Variants in LMBR1 observed in about 807,000 individuals in gnomAD.
LMBR1 encodes the protein limb development membrane protein 1.
In LMBR1, 52 loss-of-function variants were observed where a neutral mutation model predicts 73.9. That is an observed-to-expected ratio of 0.70 (90% CI 0.56 to 0.89). The LOEUF is 0.89. Among genes scored for constraint, LMBR1 ranks in the 40% least tolerant of loss-of-function variants. The pLI, the probability that LMBR1 is intolerant of heterozygous loss-of-function variation, is 0.00. For missense variants in LMBR1, 539 were observed against 579.8 expected, an observed-to-expected ratio of 0.93 and a Z score of 0.72; for synonymous variants, 215 against 209.4, an observed-to-expected ratio of 1.03 and a Z score of -0.23.
In LMBR1 at chr7:156,744,355, T is replaced by C. The variant is rs78419369; in HGVS notation, c.758-10098A>G. Among the ~76,000 whole-genome samples, 350 of 152,140 alleles carry C rather than the reference T, an allele frequency of 2.3e-3. 4 individuals carry two copies. The highest frequency in any genetic ancestry group is 8.0e-3 in the African/African-American group (333 of 41,524). On this transcript the variant is annotated intron_variant, in intron 9 of 16. Transcript: ENST00000353442. ...AAGTTTGTAAGGGCTTTTTTTTTTT[T>C]CCATTGTTCTTGGAATTCAGGAATC...
At chr7:156,880,310 G>A (rs1800887501) in intron 1 of LMBR1, among the ~76,000 whole-genome samples, 1 of 152,118 alleles carries the variant, frequency 6.6e-6, no homozygotes, top group African/African-American at 2.4e-5. Context: ...TGATGCAAAG[G>A]CATAAGAATG....
At chr7:156,711,580 T>C (rs914369197) in intron 15 of LMBR1, among the ~76,000 whole-genome samples, 3 of 152,096 alleles carry the variant, frequency 2.0e-5, no homozygotes, top group Non-Finnish European at 2.9e-5. Context: ...ACTGGAGGCA[T>C]CAACTTACCT....
chr7:156,840,338 A>G (rs1838436171), intron 1 of LMBR1, among the ~76,000 whole-genome samples: 1 of 151,776 alleles, frequency 6.6e-6, no homozygotes, highest in Admixed American at 6.6e-5. Context: ...ATGTCTCACT[A>G]ATAAGGTGAC....
In LMBR1 at chr7:156,833,646, G is replaced by C. The variant is rs1048038556; in HGVS notation, c.179+107C>G. The C allele has an allele frequency of 3.9e-6, 3 of 777,588 alleles. No individual in the cohort carries two copies. The African/African-American group carries it at 5.3e-5, about 14-fold the overall frequency. 48.2% of individuals were successfully genotyped at this position (777,588 alleles called of 1,614,324 possible). A position where few individuals can be genotyped will look rare whatever the true frequency, so the allele number is the denominator to read the frequency against. ...ATTAATATGATAAAGCTATTGTAAT[G>C]TGCTGGGTGAATATTTTCCATACTT... On this transcript the variant is annotated intron_variant, in intron 3 of 16. Transcript: ENST00000353442.
chr7:156,823,384 T>G (rs1835112395), intron 4 of LMBR1: 2 of 152,140 alleles, frequency 1.3e-5, no homozygotes, highest in Admixed American at 1.3e-4. Context: ...AGAAAACAGT[T>G]TAGCAATTAA....
At chr7:156,884,974 C>T (rs1801647911) in intron 1 of LMBR1, among the ~76,000 whole-genome samples, 1 of 152,214 alleles carries the variant, frequency 6.6e-6, no homozygotes, top group Non-Finnish European at 1.5e-5. Context: ...ATGAAGGATA[C>T]TTCTATCCCC....
At chr7:156,818,538 C>T (rs116652697) in intron 4 of LMBR1, among the ~76,000 whole-genome samples, 2,399 of 152,222 alleles carry the variant, frequency 0.016, 61 homozygotes, top group African/African-American at 0.054. Context: ...TCCTATCTTC[C>T]AAATTTTTAT....
intron 1 of LMBR1, among the ~76,000 whole-genome samples, chr7:156,870,475 A>G (rs1799105379): frequency 6.6e-6 from 1 of 152,212 alleles, no homozygotes; most frequent in Non-Finnish European, 1.5e-5. Context: ...ATTAGAAAAT[A>G]TCTCAAGATG....
intron 15 of LMBR1, among the ~76,000 whole-genome samples, chr7:156,696,873 T>A (rs922747744): frequency 8.5e-5 from 13 of 152,156 alleles, no homozygotes; most frequent in African/African-American, 3.1e-4. Context: ...ATTTCAGCAT[T>A]AACTCAAAAG....
intron 15 of LMBR1, among the ~76,000 whole-genome samples, chr7:156,694,674 T>G (rs1025356757): frequency 6.6e-6 from 1 of 152,172 alleles, no homozygotes; most frequent in African/African-American, 2.4e-5. Context: ...GCAGAAAATC[T>G]TAAGGACTCC....
intron 15 of LMBR1, among the ~76,000 whole-genome samples, chr7:156,708,620 T>TTGAC (rs113762252): frequency 0.17 from 26,152 of 151,952 alleles, 2,771 homozygotes; most frequent in African/African-American, 0.31. Context: ...TGTAATAACT[T>TTGAC]TGGGCACAAA....
In LMBR1 at chr7:156,739,218, G is replaced by A. The variant is rs988187737; in HGVS notation, c.758-4961C>T. On this transcript the variant is annotated intron_variant, in intron 9 of 16. Transcript: ENST00000353442. Reference sequence around the variant, plus strand: ...ACTCCCCATGGGCTGGCAGTGGCAGGAGCAGGGAAGAATAGGAAGGTCTTT... The same window carrying A: ...ACTCCCCATGGGCTGGCAGTGGCAGAAGCAGGGAAGAATAGGAAGGTCTTT... Among the ~76,000 whole-genome samples, 6 of 152,162 alleles carry A rather than the reference G, an allele frequency of 3.9e-5. No individual in the cohort carries two copies. The South Asian group carries it at 8.3e-4, about 21-fold the overall frequency.
intron 10 of LMBR1, among the ~76,000 whole-genome samples, chr7:156,729,695 G>C (rs1049035053): frequency 2.0e-5 from 3 of 151,998 alleles, no homozygotes; most frequent in Non-Finnish European, 4.4e-5. Flanking sequence ...GGATGGTCCC[G>C]ATCTCCTGAC....
intron 5 of LMBR1, among the ~76,000 whole-genome samples, chr7:156,793,395 CAT>C (rs1251148244): frequency 1.3e-5 from 2 of 152,120 alleles, no homozygotes; most frequent in Non-Finnish European, 2.9e-5. Flanking sequence ...TTTAAAATAA[CAT>C]GTCTTGATTA....
At chr7:156,871,115 A>T (rs1799222353) in intron 1 of LMBR1, among the ~76,000 whole-genome samples, 1 of 152,130 alleles carries the variant, frequency 6.6e-6, no homozygotes, top group Admixed American at 6.5e-5. Context: ...AGACATTACA[A>T]CTGATGCCTC....
chr7:156,878,158 ACT>A (rs1800495473), intron 1 of LMBR1, among the ~76,000 whole-genome samples: 1 of 152,238 alleles, frequency 6.6e-6, no homozygotes, highest in East Asian at 1.9e-4. Context: ...AAGGATGCCC[ACT>A]CTCACCACTT....
At chr7:156,840,004 C>T (rs536034979) in intron 1 of LMBR1, among the ~76,000 whole-genome samples, 6 of 152,258 alleles carry the variant, frequency 3.9e-5, no homozygotes, top group African/African-American at 1.4e-4. Flanking sequence ...AGTAAGGCTA[C>T]AAGAGCAATG....
intron 4 of LMBR1, among the ~76,000 whole-genome samples, chr7:156,825,309 A>G (rs1329517874): frequency 6.6e-6 from 1 of 152,234 alleles, no homozygotes; most frequent in Non-Finnish European, 1.5e-5. Context: ...AACTACATTA[A>G]CAAAATAATA....
chr7:156,801,036 T>C (rs1830865251), intron 4 of LMBR1, among the ~76,000 whole-genome samples: 1 of 152,184 alleles, frequency 6.6e-6, no homozygotes, highest in Admixed American at 6.5e-5. Context: ...GTGAACATTG[T>C]GGAAATGACA....
Sources: allele counts gnomAD v4.1 joint callset (sites outside exome capture counted in the v4.1 genomes callset), GRCh38; gene constraint gnomAD v4.1.1; transcripts MANE v1.5; gene names NCBI Gene and HGNC (gene_info 2026-07-23, HGNC 2026-07-21).